Variants in THSD4 observed in about 807,000 individuals in gnomAD.
The protein encoded by THSD4 is thrombospondin type-1 domain-containing protein 4.
Under a neutral mutation model 119.0 loss-of-function variants are expected in THSD4, and 69 were observed. That is an observed-to-expected ratio of 0.58 (90% CI 0.48 to 0.71). THSD4 has a LOEUF of 0.71. Among genes scored for constraint, THSD4 ranks in the 30% least tolerant of loss-of-function variants. THSD4 has a pLI of 0.00. For synonymous variants in THSD4, 524 were observed against 540.4 expected (o/e 0.97, Z 0.42); for missense variants, 1,393 against 1,391.1 (o/e 1.00, Z -0.02).
At chr15:71,581,616 C>T (rs1273992123) in intron 7 of THSD4, among the ~76,000 whole-genome samples, 2 of 145,862 alleles carry the variant, frequency 1.4e-5, no homozygotes, top group Non-Finnish European at 3.1e-5. Flanking sequence ...TGTCAAAAAA[C>T]TTTTTTCCTC....
intron 3 of THSD4, chr15:71,185,949 A>C (rs575647273): frequency 6.6e-6 from 1 of 152,324 alleles, no homozygotes; most frequent in African/African-American, 2.4e-5. Context: ...AGTGACAATG[A>C]TGACAGTGAC....
intron 1 of THSD4, among the ~76,000 whole-genome samples, chr15:71,124,101 A>T (rs2040432849): frequency 6.6e-6 from 1 of 152,132 alleles, no homozygotes; most frequent in Admixed American, 6.5e-5. Flanking sequence ...TGACACCAGC[A>T]CCACCATTTG....
At chr15:71,735,681 ACTTT>A (rs555159416) in intron 10 of THSD4, among the ~76,000 whole-genome samples, 8 of 71,644 alleles carry the variant, frequency 1.1e-4, no homozygotes, top group Non-Finnish European at 2.3e-4. Flanking sequence ...TGTCTCTCTC[ACTTT>A]CTGTCTCTGT....
At chr15:71,524,784 T>G (rs1407106728) in intron 7 of THSD4, among the ~76,000 whole-genome samples, 4 of 96,224 alleles carry the variant, frequency 4.2e-5, no homozygotes, top group Non-Finnish European at 9.0e-5. Flanking sequence ...TTTTTTTTTT[T>G]GTATTTTTTA....
At chr15:71,502,350 A>G (rs192706887) in intron 7 of THSD4, among the ~76,000 whole-genome samples, 1 of 152,204 alleles carries the variant, frequency 6.6e-6, no homozygotes, top group Non-Finnish European at 1.5e-5. Context: ...AAGTTAATCA[A>G]AATTAGGGTG....
intron 6 of THSD4, among the ~76,000 whole-genome samples, chr15:71,304,767 G>T (rs1596325611): frequency 6.6e-6 from 1 of 152,292 alleles, no homozygotes; most frequent in East Asian, 1.9e-4. Context: ...ACCAAAATGT[G>T]TATTTGCCCC....
At chr15:71,634,769 G>C (rs2050706744) in intron 7 of THSD4, among the ~76,000 whole-genome samples, 2 of 152,224 alleles carry the variant, frequency 1.3e-5, no homozygotes, top group African/African-American at 4.8e-5. Context: ...AGTTCAAAGA[G>C]AAGGTCATTC....
intron 1 of THSD4, among the ~76,000 whole-genome samples, chr15:71,139,712 A>G (rs2040585186): frequency 6.6e-6 from 1 of 152,206 alleles, no homozygotes; most frequent in African/African-American, 2.4e-5. Flanking sequence ...TCTCATGACT[A>G]TCTTTTTGTA....
At chr15:71,467,623 G>C (rs1426009888) in intron 7 of THSD4, among the ~76,000 whole-genome samples, 1 of 152,106 alleles carries the variant, frequency 6.6e-6, no homozygotes, top group Non-Finnish European at 1.5e-5. Context: ...TCAAGGAAGG[G>C]TCAGAAAATC....
intron 6 of THSD4, among the ~76,000 whole-genome samples, chr15:71,291,377 C>A (rs979401649): frequency 9.2e-5 from 14 of 152,124 alleles, no homozygotes; most frequent in African/African-American, 3.4e-4. Context: ...TGAGAAGTCC[C>A]AAGATCTACA....
At chr15:71,408,610 G>A (rs1442866288) in intron 6 of THSD4, among the ~76,000 whole-genome samples, 1 of 152,102 alleles carries the variant, frequency 6.6e-6, no homozygotes, top group African/African-American at 2.4e-5. Flanking sequence ...CTAGCACTTT[G>A]GGAGGCCGAG....
At chr15:71,635,364 AACAC>A (rs10565218) in intron 7 of THSD4, among the ~76,000 whole-genome samples, 17,727 of 149,740 alleles carry the variant, frequency 0.12, 1,410 homozygotes, top group Non-Finnish European at 0.17. Context: ...AGTGGGTGGG[AACAC>A]ACACACACAC....
At chr15:71,549,454 T>C (rs1247800957) in intron 7 of THSD4, 1 of 152,210 alleles carries the variant, frequency 6.6e-6, no homozygotes, top group Non-Finnish European at 1.5e-5. Flanking sequence ...TCCTTTTTCC[T>C]TCTTGGAAAT....
chr15:71,592,309 G>C (rs1340300720), intron 7 of THSD4, among the ~76,000 whole-genome samples: 5 of 152,220 alleles, frequency 3.3e-5, no homozygotes, highest in African/African-American at 2.4e-5. Flanking sequence ...TGAAGCCCAT[G>C]ATGGGCAGGA....
At chr15:71,750,142 C>G (rs993232418) in intron 14 of THSD4, among the ~76,000 whole-genome samples, 1 of 152,188 alleles carries the variant, frequency 6.6e-6, no homozygotes, top group Non-Finnish European at 1.5e-5. Flanking sequence ...GTTCTTGGAT[C>G]TTAGGAGACA....
intron 6 of THSD4, among the ~76,000 whole-genome samples, chr15:71,404,548 T>A (rs1389767584): frequency 1.3e-5 from 2 of 152,220 alleles, no homozygotes; most frequent in Admixed American, 6.5e-5. Flanking sequence ...TGCTGCTATA[T>A]CTGAATGTTA....
At chr15:71,595,953 G>A (rs79431318) in intron 7 of THSD4, among the ~76,000 whole-genome samples, 22,443 of 152,156 alleles carry the variant, frequency 0.15, 2,029 homozygotes, top group Middle Eastern at 0.22. Context: ...ACAGTTTTTC[G>A]CTGGTGACCG....
intron 2 of THSD4, among the ~76,000 whole-genome samples, chr15:71,144,707 C>T (rs955117826): frequency 5.3e-5 from 8 of 152,128 alleles, no homozygotes; most frequent in African/African-American, 1.9e-4. Flanking sequence ...TGGGCATTAA[C>T]ATCGCAAGAG....
chr15:71,681,197 G>A (rs1317889396), intron 8 of THSD4, among the ~76,000 whole-genome samples: 1 of 151,934 alleles, frequency 6.6e-6, no homozygotes, highest in Non-Finnish European at 1.5e-5. Flanking sequence ...TTACAGGCAT[G>A]AGCCACTGCT....
Sources: gnomAD v4.1 joint callset for allele counts (sites outside exome capture counted in the v4.1 genomes callset) on GRCh38, gnomAD v4.1.1 for gene constraint, MANE v1.5 for transcripts, NCBI Gene and HGNC (gene_info 2026-07-23, HGNC 2026-07-21) for gene names.